Variants in WWTR1 observed in about 807,000 individuals in gnomAD.
WWTR1 encodes WW domain-containing transcription regulator protein 1.
A neutral mutation model predicts 40.1 loss-of-function variants in WWTR1; 13 were observed. That is an observed-to-expected ratio of 0.32 (90% confidence interval 0.21 to 0.52). The LOEUF is 0.52. Among genes scored for constraint, WWTR1 ranks in the 20% least tolerant of loss-of-function variants. WWTR1 has a pLI of 0.97. For missense variants in WWTR1, 436 were observed against 523.1 expected (o/e 0.83, Z 1.63); for synonymous variants, 230 against 210.1 (o/e 1.09, Z -0.82).
intron 5 of WWTR1, among the ~76,000 whole-genome samples, chr3:149,527,575 T>C (rs1015480442): frequency 2.0e-5 from 3 of 152,222 alleles, no homozygotes. Context: ...TTTAAAAATA[T>C]AAGTTCATGC....
At chr3:149,561,623 C>A (rs1228152865) in intron 3 of WWTR1, among the ~76,000 whole-genome samples, 3 of 152,174 alleles carry the variant, frequency 2.0e-5, no homozygotes, top group African/African-American at 7.2e-5. Flanking sequence ...GTAATAGTGA[C>A]CAACCAGAAA....
intron 2 of WWTR1, among the ~76,000 whole-genome samples, chr3:149,666,827 C>T (rs1260800635): frequency 6.6e-6 from 1 of 152,196 alleles, no homozygotes; most frequent in Non-Finnish European, 1.5e-5. Context: ...CTAACAGAAT[C>T]AGACTCTTAA....
chr3:149,597,309 C>G (rs1309914462), intron 2 of WWTR1, among the ~76,000 whole-genome samples: 1 of 151,246 alleles, frequency 6.6e-6, no homozygotes, highest in Admixed American at 6.6e-5. Context: ...CTATAAAGAA[C>G]AGAGAGAAAC....
chr3:149,532,237 A>C (rs1461560131), intron 4 of WWTR1, among the ~76,000 whole-genome samples: 1 of 152,222 alleles, frequency 6.6e-6, no homozygotes, highest in Non-Finnish European at 1.5e-5. Flanking sequence ...ATAAATACTG[A>C]AGGAATTATT....
chr3:149,524,055 T>C (rs1366414932), intron 6 of WWTR1, among the ~76,000 whole-genome samples: 5 of 152,234 alleles, frequency 3.3e-5, no homozygotes, highest in Non-Finnish European at 5.9e-5. Context: ...CTGGTCTCTG[T>C]GATCTCATGA....
intron 2 of WWTR1, among the ~76,000 whole-genome samples, chr3:149,574,607 C>T (rs1365871362): frequency 6.6e-6 from 1 of 152,122 alleles, no homozygotes; most frequent in Non-Finnish European, 1.5e-5. Flanking sequence ...TAGAAACTTC[C>T]TTGCATTGAA....
chr3:149,658,534 C>G (rs966273817), upstream of WWTR1: 1 of 152,304 alleles, frequency 6.6e-6, no homozygotes, highest in Non-Finnish European at 1.5e-5. Context: ...CGGGTGCGCC[C>G]CGGCGCGGGG....
chr3:149,550,212 T>C (rs1016738195), intron 3 of WWTR1, among the ~76,000 whole-genome samples: 4 of 152,178 alleles, frequency 2.6e-5, no homozygotes, highest in African/African-American at 7.2e-5. Flanking sequence ...ATGGACACAA[T>C]CTTTAAGAGA....
intron 2 of WWTR1, among the ~76,000 whole-genome samples, chr3:149,576,977 G>C (rs1282840719): frequency 6.6e-6 from 1 of 152,166 alleles, no homozygotes; most frequent in African/African-American, 2.4e-5. Context: ...GACCAACATG[G>C]AGAAGCCCTG....
chr3:149,617,534 T>TG (rs1740040743), intron 2 of WWTR1, among the ~76,000 whole-genome samples: 1 of 152,214 alleles, frequency 6.6e-6, no homozygotes, highest in Non-Finnish European at 1.5e-5. Flanking sequence ...GCGCAGTGGC[T>TG]CATGCCTATA....
chr3:149,646,252 A>T (rs1712521934), intron 2 of WWTR1, among the ~76,000 whole-genome samples: 1 of 152,228 alleles, frequency 6.6e-6, no homozygotes, highest in Non-Finnish European at 1.5e-5. Context: ...TGCTTCTCAA[A>T]CTATCTGTGG....
chr3:149,665,981 T>C lies in WWTR1; in HGVS notation c.-4+3807A>G, dbSNP rs150611266. On this transcript the variant is annotated intron_variant, in intron 2 of 7. Coordinates refer to the WWTR1 transcript ENST00000465804. ...TTATCCATCCATTCAACAAATACGG[T>C]ACATATTTTTTTAATATCCATTGTG... Among the ~76,000 whole-genome samples, 578 of 152,236 alleles carry C rather than the reference T, an allele frequency of 3.8e-3. 3 individuals carry two copies. The highest frequency in any genetic ancestry group is 5.6e-3 in the Non-Finnish European group (384 of 68,018).
intron 1 of WWTR1, among the ~76,000 whole-genome samples, chr3:149,690,717 C>T (rs1374096860): frequency 6.6e-6 from 1 of 152,122 alleles, no homozygotes. Context: ...ATCCAGACAG[C>T]AAATCAACAA....
At chr3:149,598,598 T>C (rs904998820) in intron 2 of WWTR1, among the ~76,000 whole-genome samples, 2 of 152,226 alleles carry the variant, frequency 1.3e-5, no homozygotes, top group African/African-American at 4.8e-5. Flanking sequence ...CTGTCTTTTT[T>C]CTAATGCATG....
chr3:149,638,314 T>A (rs553721291), intron 2 of WWTR1, among the ~76,000 whole-genome samples: 1 of 152,242 alleles, frequency 6.6e-6, no homozygotes, highest in African/African-American at 2.4e-5. Context: ...TTACGGAGCT[T>A]CCTTCAGGCC....
chr3:149,635,556 A>G (rs1358920882), intron 2 of WWTR1, among the ~76,000 whole-genome samples: 1 of 152,066 alleles, frequency 6.6e-6, no homozygotes, highest in Non-Finnish European at 1.5e-5. Flanking sequence ...AAGGAGAAGA[A>G]GAAGAGGAAG....
chr3:149,715,342 C>T (rs1055667083), intron 5 of WWTR1, among the ~76,000 whole-genome samples: 1 of 152,240 alleles, frequency 6.6e-6, no homozygotes, highest in African/African-American at 2.4e-5. Flanking sequence ...GGGTGTCAAG[C>T]TTCTGGGCGT....
At chr3:149,583,404 ATGC>A (rs1283634275) in intron 2 of WWTR1, among the ~76,000 whole-genome samples, 3 of 152,070 alleles carry the variant, frequency 2.0e-5, no homozygotes, top group Admixed American at 6.5e-5. Context: ...TTTGAAAGAG[ATGC>A]TGCCCAGGCT....
chr3:149,598,976 T>C (rs998998239), intron 2 of WWTR1, among the ~76,000 whole-genome samples: 18 of 152,226 alleles, frequency 1.2e-4, no homozygotes, highest in African/African-American at 4.3e-4. Context: ...TATTTGTACA[T>C]AAGAACAATT....
Sources: allele counts gnomAD v4.1 joint callset (sites outside exome capture counted in the v4.1 genomes callset), GRCh38; gene constraint gnomAD v4.1.1; transcripts MANE v1.5; gene names NCBI Gene and HGNC (gene_info 2026-07-23, HGNC 2026-07-21).